UVRAG: variants seen among roughly 807,000 people sequenced by gnomAD.
UVRAG encodes the protein UV radiation resistance associated.
Under a neutral mutation model 78.0 loss-of-function variants are expected in UVRAG, and 19 were observed. The ratio of observed to expected loss-of-function variants is 0.24; its 90% CI spans 0.17 to 0.36. UVRAG has a LOEUF of 0.36. UVRAG is among the 10% of genes least tolerant of loss of function. UVRAG has a pLI of 1.00. For synonymous variants in UVRAG, 323 were observed against 324.6 expected, an observed-to-expected ratio of 1.00 and a Z score of 0.05; for missense variants, 740 against 853.8, an observed-to-expected ratio of 0.87 and a Z score of 1.66.
chr11:75,844,040 G>A (rs919034586), intron 1 of UVRAG, among the ~76,000 whole-genome samples: 2 of 151,786 alleles, frequency 1.3e-5, no homozygotes, highest in East Asian at 1.9e-4. Flanking sequence ...TGTTATGATC[G>A]GGAGAATATA....
intron 5 of UVRAG, among the ~76,000 whole-genome samples, chr11:75,906,413 C>G (rs1947615869): frequency 6.6e-6 from 1 of 152,042 alleles, no homozygotes; most frequent in African/African-American, 2.4e-5. Context: ...GTGGCGTGAT[C>G]TCAGCTCACT....
intron 5 of UVRAG, among the ~76,000 whole-genome samples, chr11:75,904,809 C>G (rs1310873862): frequency 6.6e-6 from 1 of 152,158 alleles, no homozygotes; most frequent in Admixed American, 6.5e-5. Context: ...ATGTAAAATA[C>G]AATACTGCCT....
chr11:76,129,034 T>C (rs1044639908), intron 14 of UVRAG, among the ~76,000 whole-genome samples: 3 of 152,228 alleles, frequency 2.0e-5, no homozygotes, highest in African/African-American at 4.8e-5. Flanking sequence ...CAAAGCACTT[T>C]GAACATAGTA....
chr11:75,878,127 T>C (rs1403828196), intron 3 of UVRAG, among the ~76,000 whole-genome samples: 14 of 124,602 alleles, frequency 1.1e-4, no homozygotes, highest in African/African-American at 4.1e-4. Flanking sequence ...GGGCGGAGGG[T>C]CTCCTCCCTT....
intron 1 of UVRAG, among the ~76,000 whole-genome samples, chr11:75,848,043 A>AT (rs1168417337): frequency 6.6e-6 from 1 of 151,386 alleles, no homozygotes; most frequent in Non-Finnish European, 1.5e-5. Context: ...AAAAAAAAAA[A>AT]AAAATTTAGC....
chr11:75,894,802 CA>C (rs375833755), intron 5 of UVRAG, among the ~76,000 whole-genome samples: 7,771 of 60,212 alleles, frequency 0.13, 202 homozygotes, highest in African/African-American at 0.22. Flanking sequence ...CCGTCTCTAC[CA>C]AAAAAAAAAA....
intron 3 of UVRAG, among the ~76,000 whole-genome samples, chr11:75,867,445 C>T (rs1166128975): frequency 1.3e-5 from 2 of 152,136 alleles, no homozygotes. Flanking sequence ...TAGTAAGATT[C>T]ATTTATTTTT....
chr11:76,021,489 A>G lies in UVRAG; in HGVS notation c.1226+4509A>G, dbSNP rs532919947. On this transcript the variant is annotated intron_variant, in intron 12 of 14. Transcript: ENST00000356136. ...ACTTGTGGTTTTGTTGATTCTCTCT[A>G]GTGTTTTTTTGCTCTCCATTTTGTG... 1.5e-3 allele frequency among the ~76,000 whole-genome samples: 228 copies of G among 151,912 alleles called. 1 individual carries two copies. Among genetic ancestry groups the G allele is most frequent in the African/African-American group, 5.1e-3 (212 of 41,422 alleles).
At chr11:75,889,831 T>C (rs962980970) in intron 5 of UVRAG, among the ~76,000 whole-genome samples, 8 of 152,306 alleles carry the variant, frequency 5.3e-5, no homozygotes, top group African/African-American at 1.7e-4. Context: ...CAGATAAACA[T>C]GTAAACACAA....
intron 1 of UVRAG, among the ~76,000 whole-genome samples, chr11:75,838,686 G>A (rs1945840868): frequency 6.6e-6 from 1 of 152,146 alleles, no homozygotes; most frequent in African/African-American, 2.4e-5. Context: ...TTGTCAGATT[G>A]CCATCTGTTA....
intron 3 of UVRAG, among the ~76,000 whole-genome samples, chr11:75,873,718 A>G (rs1312356150): frequency 6.6e-6 from 1 of 152,152 alleles, no homozygotes; most frequent in Non-Finnish European, 1.5e-5. Context: ...TGTTGTACGC[A>G]GCTTGCTTGT....
chr11:75,897,352 A>G (rs988955369), intron 5 of UVRAG, among the ~76,000 whole-genome samples: 1 of 152,184 alleles, frequency 6.6e-6, no homozygotes, highest in South Asian at 2.1e-4. Context: ...CAAAAGTAAG[A>G]AAATCCTAAT....
intron 6 of UVRAG, among the ~76,000 whole-genome samples, chr11:75,941,685 T>G (rs949488471): frequency 2.8e-4 from 42 of 152,270 alleles, no homozygotes; most frequent in African/African-American, 9.6e-4. Flanking sequence ...AACCTGATAT[T>G]ATTTCCTTTG....
At chr11:76,031,066 T>C (rs1041219553) in intron 12 of UVRAG, among the ~76,000 whole-genome samples, 5 of 152,142 alleles carry the variant, frequency 3.3e-5, no homozygotes, top group Non-Finnish European at 7.4e-5. Flanking sequence ...AAAGGAACAT[T>C]CAGTTTTTGC....
chr11:75,953,289 A>C (rs1751803678), intron 6 of UVRAG, among the ~76,000 whole-genome samples: 2 of 152,104 alleles, frequency 1.3e-5, no homozygotes, highest in Admixed American at 1.3e-4. Context: ...TGTGCCATTC[A>C]CCTATTACAA....
intron 1 of UVRAG, among the ~76,000 whole-genome samples, chr11:75,848,029 C>CT (rs958755506): frequency 2.9e-5 from 4 of 139,910 alleles, no homozygotes; most frequent in African/African-American, 8.5e-5. Flanking sequence ...GACTCTGTCT[C>CT]TAAAAAAAAA....
chr11:76,136,593 A>C (rs1260250178), intron 14 of UVRAG, among the ~76,000 whole-genome samples: 1 of 147,936 alleles, frequency 6.8e-6, no homozygotes, highest in East Asian at 2.0e-4. Context: ...ACTGCAACCC[A>C]GGCTCACGCA....
intron 4 of UVRAG, among the ~76,000 whole-genome samples, chr11:75,880,717 G>A (rs1362336648): frequency 6.6e-6 from 1 of 151,902 alleles, no homozygotes; most frequent in Non-Finnish European, 1.5e-5. Context: ...ACCATGCCCA[G>A]CTAATTTTTT....
At chr11:75,877,933 T>C (rs370100437) in intron 3 of UVRAG, among the ~76,000 whole-genome samples, 14 of 132,440 alleles carry the variant, frequency 1.1e-4, no homozygotes, top group South Asian at 2.7e-4. Context: ...ACCTCCCTCC[T>C]GGACGGGGCG....
Sources: gnomAD v4.1 joint callset for allele counts (sites outside exome capture counted in the v4.1 genomes callset) on GRCh38, gnomAD v4.1.1 for gene constraint, MANE v1.5 for transcripts, NCBI Gene and HGNC (gene_info 2026-07-23, HGNC 2026-07-21) for gene names.